Variants in CHLSN observed in about 807,000 individuals in gnomAD.
CHLSN encodes cholesin.
chr7:997,602 G>GGCCCC, the CHLSN span: 1 of 1,518,216 alleles, frequency 6.6e-7, no homozygotes, highest in Non-Finnish European at 8.8e-7. Context: ...ACTGGGCAGC[G>GGCCCC]GCCCCGCCCC....
At chr7:1,097,523 G>A in the CHLSN span, among the ~76,000 whole-genome samples, 3 of 150,034 alleles carry the variant, frequency 2.0e-5, no homozygotes, top group South Asian at 6.3e-4. The surrounding 1 kb of genome is among the most constrained non-coding windows in gnomAD (Gnocchi z 4.3). Flanking sequence ...AATGGGAAGA[G>A]TCTCGTTTCT....
At chr7:1,101,472 T>G in the CHLSN span, among the ~76,000 whole-genome samples, 1 of 152,166 alleles carries the variant, frequency 6.6e-6, no homozygotes, top group Non-Finnish European at 1.5e-5. Flanking sequence ...CAACTGAGCC[T>G]CTGAACATGA....
the CHLSN span, among the ~76,000 whole-genome samples, chr7:1,063,765 G>A: frequency 2.4e-4 from 37 of 152,360 alleles, no homozygotes; most frequent in African/African-American, 8.9e-4. Flanking sequence ...CCTCTTTAGG[G>A]ATTCTGCCCA....
chr7:985,468 C>A, the CHLSN span: 3 of 954,080 alleles, frequency 3.1e-6, no homozygotes, highest in Non-Finnish European at 4.6e-6. Flanking sequence ...GGGCCTGAAT[C>A]AGGACCCATC....
the CHLSN span, among the ~76,000 whole-genome samples, chr7:1,075,688 C>T: frequency 6.7e-6 from 1 of 149,862 alleles, no homozygotes; most frequent in East Asian, 2.0e-4. Context: ...TCTCAGCTCA[C>T]TGCAAGCTCC....
At chr7:1,041,991 G>A in the CHLSN span, among the ~76,000 whole-genome samples, 9 of 152,196 alleles carry the variant, frequency 5.9e-5, no homozygotes, top group Non-Finnish European at 8.8e-5. Context: ...CAACATCTCC[G>A]TGAGACACGC....
chr7:987,985 TCCCCTCTGTGTGTCCTGGGGG>T, the CHLSN span, among the ~76,000 whole-genome samples: 1 of 86,582 alleles, frequency 1.2e-5, no homozygotes, highest in Non-Finnish European at 2.5e-5. Flanking sequence ...CCTGGGGGGG[TCCCCTCTGTGTGTCCTGGGGG>T]GTCCCCTCTG....
At chr7:1,075,733 C>T in the CHLSN span, among the ~76,000 whole-genome samples, 20 of 151,224 alleles carry the variant, frequency 1.3e-4, no homozygotes, top group Non-Finnish European at 2.2e-4. Flanking sequence ...CGGCCTCAGC[C>T]TCCCGAGTAG....
chr7:1,026,419 G>A, the CHLSN span: 1 of 152,210 alleles, frequency 6.6e-6, no homozygotes, highest in Admixed American at 6.5e-5. Context: ...TCCCTGCCAG[G>A]CCCGTGTCCT....
At chr7:1,063,205 C>G in the CHLSN span, among the ~76,000 whole-genome samples, 2 of 152,222 alleles carry the variant, frequency 1.3e-5, no homozygotes, top group Non-Finnish European at 2.9e-5. Context: ...CCGGCCACAT[C>G]TGGGGCTTCC....
the CHLSN span, among the ~76,000 whole-genome samples, chr7:1,094,005 G>A: frequency 7.9e-5 from 12 of 152,338 alleles, no homozygotes; most frequent in South Asian, 1.0e-3. Context: ...CCAAAATGCC[G>A]TGGGGGCACT....
At chr7:1,036,740 G>A in the CHLSN span, among the ~76,000 whole-genome samples, 32 of 149,200 alleles carry the variant, frequency 2.1e-4, 1 homozygote, top group African/African-American at 6.8e-4. Flanking sequence ...TGAGAGGATC[G>A]GGGTGGGGAG....
chr7:1,065,698 C>T, the CHLSN span, among the ~76,000 whole-genome samples: 3 of 152,196 alleles, frequency 2.0e-5, no homozygotes, highest in South Asian at 2.1e-4. Context: ...TCTCCCTTGC[C>T]GGGGTGCTGG....
At chr7:1,017,901 G>A in the CHLSN span, among the ~76,000 whole-genome samples, 2 of 152,218 alleles carry the variant, frequency 1.3e-5, no homozygotes, top group Non-Finnish European at 2.9e-5. Context: ...TTCCCATGCT[G>A]CGGTAGGAAC....
At chr7:1,071,076 A>AGTAGCCTCCTCCAGGGT in the CHLSN span, among the ~76,000 whole-genome samples, 2 of 152,266 alleles carry the variant, frequency 1.3e-5, 1 homozygote, top group South Asian at 4.1e-4. Context: ...AGCCTCATGG[A>AGTAGCCTCCTCCAGGGT]GTAGCCTCCT....
the CHLSN span, among the ~76,000 whole-genome samples, chr7:1,121,631 G>T: frequency 0.017 from 2,580 of 152,362 alleles, 93 homozygotes; most frequent in East Asian, 0.17. Flanking sequence ...ACCACCACCT[G>T]TGCCCCGCGT....
the CHLSN span, among the ~76,000 whole-genome samples, chr7:1,038,402 C>T: frequency 2.2e-5 from 2 of 89,502 alleles, no homozygotes; most frequent in African/African-American, 4.9e-5. Context: ...CCCCTCAGCC[C>T]GGCCAGCCAC....
the CHLSN span, among the ~76,000 whole-genome samples, chr7:1,134,949 T>C: frequency 6.6e-6 from 1 of 152,026 alleles, no homozygotes; most frequent in African/African-American, 2.4e-5. Flanking sequence ...CCTTCCCCCA[T>C]CCCATCAGGC....
At chr7:1,065,910 C>T in the CHLSN span, among the ~76,000 whole-genome samples, 10 of 152,240 alleles carry the variant, frequency 6.6e-5, no homozygotes, top group Non-Finnish European at 1.5e-4. Context: ...TTTCCGGCCT[C>T]AAGGGCAGGC....
Sources: gnomAD v4.1 joint callset for allele counts (sites outside exome capture counted in the v4.1 genomes callset) on GRCh38, gnomAD v4.1.1 for gene constraint, Gnocchi (gnomAD v3.1) non-coding constraint, MANE v1.5 for transcripts, NCBI Gene and HGNC (gene_info 2026-07-23, HGNC 2026-07-21) for gene names.